The following CAMSAP2 variants were observed in gnomAD, a reference collection of about 807,000 sequenced individuals.
The protein encoded by CAMSAP2 is calmodulin regulated spectrin associated protein family member 2.
In CAMSAP2, 26 loss-of-function variants were observed where a neutral mutation model predicts 146.1. The observed-to-expected ratio is 0.18, with a 90% CI of 0.13 to 0.25. CAMSAP2 has a LOEUF of 0.25. Among genes scored for constraint, CAMSAP2 ranks in the 10% least tolerant of loss-of-function variants. The probability of loss-of-function intolerance (pLI) is 1.00; values close to 1 mark genes in which losing one functional copy is unlikely to be tolerated. For missense variants in CAMSAP2, 1,381 were observed against 1,759.3 expected (o/e 0.78, Z 3.85); for synonymous variants, 499 against 596.6 (o/e 0.84, Z 2.38).
chr1:200,779,871 C>T (rs965009336), intron 2 of CAMSAP2, among the ~76,000 whole-genome samples: 13 of 151,978 alleles, frequency 8.6e-5, no homozygotes, highest in South Asian at 4.2e-4. Context: ...ATAGATTTTT[C>T]ATAATTTTGA....
intron 4 of CAMSAP2, among the ~76,000 whole-genome samples, chr1:200,821,272 T>C (rs1666755878): frequency 6.6e-6 from 1 of 151,704 alleles, no homozygotes; most frequent in South Asian, 2.1e-4. Flanking sequence ...AGCCTTGATC[T>C]CCTGGGCTCA....
rs114217780 is a variant in CAMSAP2, at chr1:200,792,283, C to T, written c.400-15093C>T. Among the ~76,000 whole-genome samples, 405 of 152,038 alleles carry T rather than the reference C, an allele frequency of 2.7e-3. 1 individual carries two copies. Among genetic ancestry groups the T allele is most frequent in the African/African-American group, 8.7e-3 (359 of 41,454 alleles). ...ATAATTGTTGTCTTAAGTAGTTTAC[C>T]GGAATACTACTCAGCAATAAAAAGA... On this transcript the variant is annotated intron_variant, in intron 2 of 16. Coordinates refer to ENST00000358823, the MANE Select transcript of CAMSAP2 (RefSeq NM_203459.4).
chr1:200,847,078 A>G (rs915230958), intron 8 of CAMSAP2, 132 bp from the exon 9 acceptor site: 3 of 613,464 alleles, frequency 4.9e-6, no homozygotes, highest in South Asian at 2.3e-5. Flanking sequence ...GGTTTAAACA[A>G]TATGTTTCCA....
intron 4 of CAMSAP2, among the ~76,000 whole-genome samples, chr1:200,815,957 T>G (rs540408785): frequency 1.2e-4 from 19 of 152,362 alleles, no homozygotes; most frequent in African/African-American, 4.6e-4. Context: ...ATGTTCAGGC[T>G]TTATAATGAC....
intron 4 of CAMSAP2, among the ~76,000 whole-genome samples, chr1:200,816,626 GTA>G (rs1307639724): frequency 3.7e-5 from 5 of 134,588 alleles, no homozygotes; most frequent in African/African-American, 1.3e-4. Flanking sequence ...ATATATATAT[GTA>G]TATATATACA....
At chr1:200,812,835 T>C (rs1260239268) in intron 3 of CAMSAP2, among the ~76,000 whole-genome samples, 1 of 152,222 alleles carries the variant, frequency 6.6e-6, no homozygotes, top group East Asian at 1.9e-4. Flanking sequence ...CTGTTTCCTA[T>C]CTCATTTTGT....
At chr1:200,747,676 G>C (rs1664374011) in intron 1 of CAMSAP2, among the ~76,000 whole-genome samples, 1 of 150,898 alleles carries the variant, frequency 6.6e-6, no homozygotes, top group South Asian at 2.1e-4. Context: ...CCTTGTTGAT[G>C]TGTGGATTTC....
chr1:200,830,507 A>G (rs186041766), intron 4 of CAMSAP2, among the ~76,000 whole-genome samples: 1 of 152,358 alleles, frequency 6.6e-6, no homozygotes, highest in Non-Finnish European at 1.5e-5. Context: ...GATGTCCAAG[A>G]GGCAGACTGT....
At chr1:200,741,010 C>A (rs2102981170) in intron 1 of CAMSAP2, among the ~76,000 whole-genome samples, 1 of 152,250 alleles carries the variant, frequency 6.6e-6, no homozygotes, top group East Asian at 1.9e-4. Context: ...TAGGGTTTTT[C>A]AGGGGGAGGG....
chr1:200,784,940 ATATGTATG>A, intron 2 of CAMSAP2, among the ~76,000 whole-genome samples: 1 of 152,340 alleles, frequency 6.6e-6, no homozygotes, highest in South Asian at 2.1e-4. Context: ...GCTAAGAAAT[ATATGTATG>A]TTTATGTTTT....
At position 200,853,253 on chromosome 1, in the gene CAMSAP2, C is replaced by G; in HGVS notation, c.3603-22C>G. 1 of 1,600,704 alleles carries G rather than the reference C, an allele frequency of 6.2e-7. No individual in the cohort carries two copies. The highest frequency in any genetic ancestry group is 8.5e-7 in the Non-Finnish European group (1 of 1,169,734). Reference sequence around the variant, plus strand: ...TTGTCTTTGGTATGCAGAATAAGAACTGTAACCATTTGATTTCTTAGGCGT... The same window carrying G: ...TTGTCTTTGGTATGCAGAATAAGAAGTGTAACCATTTGATTTCTTAGGCGT... On this transcript the variant is annotated intron_variant, in intron 12 of 16. Coordinates refer to ENST00000358823, the MANE Select transcript of CAMSAP2 (RefSeq NM_203459.4). The surrounding 1 kb of genome is among the most constrained non-coding windows in gnomAD (Gnocchi z 5.1).
chr1:200,787,665 G>A (rs1156486698), intron 2 of CAMSAP2, among the ~76,000 whole-genome samples: 1 of 152,206 alleles, frequency 6.6e-6, no homozygotes, highest in Non-Finnish European at 1.5e-5. Flanking sequence ...GGCAGAGTTT[G>A]ATAGGACTGA....
At chr1:200,762,027 G>A (rs1029663899) in intron 2 of CAMSAP2, among the ~76,000 whole-genome samples, 6 of 152,164 alleles carry the variant, frequency 3.9e-5, no homozygotes, top group Admixed American at 6.5e-5. Context: ...AAAGAAAAGT[G>A]GTTTTTCCAT....
chr1:200,791,880 C>T lies in CAMSAP2; in HGVS notation c.400-15496C>T, dbSNP rs1009874183. ...ACTCAGGAGGCTGAGGCAGAAGAAT[C>T]GCTTGAACCCAGGAGGCAGAGGTTG... On this transcript the variant is annotated intron_variant, in intron 2 of 16. Coordinates refer to ENST00000358823, the MANE Select transcript of CAMSAP2 (RefSeq NM_203459.4). Among the ~76,000 whole-genome samples, 4 of 152,060 alleles carry T rather than the reference C, an allele frequency of 2.6e-5. No homozygotes were observed. In the South Asian group the frequency reaches 6.2e-4, roughly 24 times the overall value.
chr1:200,841,377 G>A (rs1458423276), intron 6 of CAMSAP2, among the ~76,000 whole-genome samples: 2 of 152,132 alleles, frequency 1.3e-5, no homozygotes, highest in African/African-American at 2.4e-5. Context: ...CTCTCAAGTA[G>A]CTAGGATTAC....
At chr1:200,750,004 T>G (rs543401574) in intron 1 of CAMSAP2, among the ~76,000 whole-genome samples, 6 of 152,228 alleles carry the variant, frequency 3.9e-5, no homozygotes, top group African/African-American at 1.4e-4. Context: ...ATTTTAATCC[T>G]TAGAGAAGTG....
chr1:200,769,625 A>C (rs537452879), intron 2 of CAMSAP2, among the ~76,000 whole-genome samples: 1 of 152,298 alleles, frequency 6.6e-6, no homozygotes, highest in African/African-American at 2.4e-5. Context: ...GGAGCAACTC[A>C]CAGAACTCAG....
chr1:200,844,833 G>A lies in CAMSAP2; in HGVS notation c.1073G>A (p.Arg358Lys). The change falls in exon 8 of 17, where the codon AGA becomes AAA. Residue 358 changes from arginine to lysine, a missense_variant. Arg to Lys is a conservative substitution (Grantham distance 26, BLOSUM62 2). Transcript: ENST00000358823. ...PSIPVLNAAKRNVLDSSSDFP... is the reference protein window; with the variant it reads ...PSIPVLNAAKKNVLDSSSDFP... Reference sequence around the variant, plus strand: ...ATTCCTGTCTTGAATGCTGCCAAAAGAAATGTCTTAGATAGTAGTTCTGAC... The same window carrying A: ...ATTCCTGTCTTGAATGCTGCCAAAAAAAATGTCTTAGATAGTAGTTCTGAC... 6.3e-7 allele frequency: 1 copy of A among 1,595,608 alleles called. No individual in the cohort carries two copies. The highest frequency in any genetic ancestry group is 8.5e-7 in the Non-Finnish European group (1 of 1,173,396).
chr1:200,801,983 T>C (rs1334070100), intron 2 of CAMSAP2, among the ~76,000 whole-genome samples: 1 of 152,210 alleles, frequency 6.6e-6, no homozygotes, highest in Non-Finnish European at 1.5e-5. Flanking sequence ...AGGACAGTAG[T>C]AATACTATGG....
Sources: allele counts gnomAD v4.1 joint callset (sites outside exome capture counted in the v4.1 genomes callset), GRCh38; gene constraint gnomAD v4.1.1; non-coding constraint Gnocchi (gnomAD v3.1); transcripts MANE v1.5; gene names NCBI Gene and HGNC (gene_info 2026-07-23, HGNC 2026-07-21).